The following RBFOX1 variants were observed in gnomAD, a reference collection of about 807,000 sequenced individuals.
RBFOX1 encodes RNA binding fox-1 homolog 1.
A neutral mutation model predicts 57.7 loss-of-function variants in RBFOX1; 8 were observed. The observed-to-expected ratio is 0.14, with a 90% confidence interval of 0.08 to 0.25. The LOEUF (loss-of-function observed/expected upper bound fraction) is 0.25. Among genes scored for constraint, RBFOX1 ranks in the 10% least tolerant of loss-of-function variants. The pLI is 1.00. For synonymous variants in RBFOX1, 326 were observed against 222.4 expected (o/e 1.47, Z -4.15); for missense variants, 611 against 548.5 (o/e 1.11, Z -1.14).
chr16:5,433,361 T>C (rs1039703437), intron 1 of RBFOX1, among the ~76,000 whole-genome samples: 1 of 152,206 alleles, frequency 6.6e-6, no homozygotes, highest in Non-Finnish European at 1.5e-5. Flanking sequence ...TTTTCGCTCC[T>C]GGCTGGGGGT....
chr16:5,734,821 G>A (rs2052514215), intron 3 of RBFOX1, among the ~76,000 whole-genome samples: 2 of 152,126 alleles, frequency 1.3e-5, no homozygotes, highest in Admixed American at 6.5e-5. Flanking sequence ...AAGAAGGAAG[G>A]GAGATAAGGG....
At position 7,117,460 on chromosome 16, in the gene RBFOX1, G is replaced by C. The variant is rs74008921; in HGVS notation, c.27+65362G>C. Among the ~76,000 whole-genome samples, 1,419 of 152,222 alleles carry C rather than the reference G, an allele frequency of 9.3e-3. 28 individuals carry two copies. The highest frequency in any genetic ancestry group is 0.033 in the African/African-American group (1,351 of 41,530). On this transcript the variant is annotated intron_variant, in intron 4 of 15. Transcript: ENST00000550418. ...AGAGATCATGTAAGTTGGAATTCTA[G>C]CTTATCCAATTACTTAATGTGTGAG... is the stretch of plus-strand genomic sequence containing the variant.
At chr16:6,635,510 A>G (rs886405520) in intron 2 of RBFOX1, among the ~76,000 whole-genome samples, 1 of 152,138 alleles carries the variant, frequency 6.6e-6, no homozygotes, top group African/African-American at 2.4e-5. Flanking sequence ...GAACAGAGGG[A>G]AAGTGATTCA....
At chr16:6,112,561 C>G (rs751279998) in intron 1 of RBFOX1, among the ~76,000 whole-genome samples, 21 of 152,068 alleles carry the variant, frequency 1.4e-4, no homozygotes, top group Admixed American at 5.2e-4. Context: ...CATGGTGGTG[C>G]ATGCCTGTAA....
At chr16:6,190,459 A>G (rs1395601756) in intron 1 of RBFOX1, among the ~76,000 whole-genome samples, 3 of 152,184 alleles carry the variant, frequency 2.0e-5, no homozygotes, top group Non-Finnish European at 2.9e-5. Flanking sequence ...AATGGAATGA[A>G]CTACTTAGTT....
At chr16:5,368,636 A>C (rs1197924738) in intron 1 of RBFOX1, among the ~76,000 whole-genome samples, 1 of 152,154 alleles carries the variant, frequency 6.6e-6, no homozygotes, top group Non-Finnish European at 1.5e-5. Flanking sequence ...CACATTTCTG[A>C]GCTCTTTAAG....
chr16:6,530,078 C>G (rs1406630483), intron 2 of RBFOX1, among the ~76,000 whole-genome samples: 1 of 152,128 alleles, frequency 6.6e-6, no homozygotes, highest in Non-Finnish European at 1.5e-5. Flanking sequence ...CTTTTCTTCC[C>G]TTGTCAGTCA....
At chr16:6,112,127 A>G (rs947375808) in intron 1 of RBFOX1, among the ~76,000 whole-genome samples, 18 of 152,182 alleles carry the variant, frequency 1.2e-4, no homozygotes, top group Non-Finnish European at 1.9e-4. Flanking sequence ...TTCCAGACCA[A>G]TTAGCTAGCT....
chr16:7,094,267 C>A (rs998848621), intron 4 of RBFOX1, among the ~76,000 whole-genome samples: 1 of 151,934 alleles, frequency 6.6e-6, no homozygotes, highest in Admixed American at 6.6e-5. Context: ...AATTGATATT[C>A]AATACCAACA....
chr16:5,422,620 G>A (rs1323512755), intron 1 of RBFOX1, among the ~76,000 whole-genome samples: 1 of 124,928 alleles, frequency 8.0e-6, no homozygotes, highest in Non-Finnish European at 1.7e-5. Context: ...AGAGGGTGGA[G>A]GGACAGGGAG....
In RBFOX1 at chr16:7,095,091, T is replaced by G. The variant is rs565844738; in HGVS notation, c.27+42993T>G. 2.0e-5 allele frequency among the ~76,000 whole-genome samples: 3 copies of G among 152,296 alleles called. No individual in the cohort carries two copies. The South Asian group carries it at 6.2e-4, about 32-fold the overall frequency. ...GATGATATTAGTAATTTGTTTTAACTAGAATGTTCTTTCTTTCTTTCTTTT... is the reference window on the plus strand; with the variant it reads ...GATGATATTAGTAATTTGTTTTAACGAGAATGTTCTTTCTTTCTTTCTTTT... On this transcript the variant is annotated intron_variant, in intron 4 of 15. Transcript: ENST00000550418.
Position 5,978,128 on chromosome 16 carries a change from CAAAAAAAAAAAAAAAAAA to C in RBFOX1, c.351+110809_351+110826del, listed in dbSNP as rs140908065. Among the ~76,000 whole-genome samples, 91 of 31,528 alleles carry C rather than the reference CAAAAAAAAAAAAAAAAAA, an allele frequency of 2.9e-3. 3 individuals carry two copies. The highest frequency in any genetic ancestry group is 1.0e-2 in the African/African-American group (70 of 7,016). 20.7% of individuals were successfully genotyped at this position (31,528 alleles called of 152,430 possible). On this transcript the variant is annotated intron_variant, in intron 4 of 19. Transcript: ENST00000641259. Reference sequence around the variant, plus strand: ...ATCCTAGGGAGAATCCTGTCTCTTCCAAAAAAAAAAAAAAAAAAAAAAAAAAAAAAAAAGCAAGAGCCA... The same window carrying C: ...ATCCTAGGGAGAATCCTGTCTCTTCCAAAAAAAAAAAAAAAGCAAGAGCCA...
intron 1 of RBFOX1, among the ~76,000 whole-genome samples, chr16:5,293,188 G>T (rs1288107953): frequency 6.6e-6 from 1 of 151,982 alleles, no homozygotes; most frequent in East Asian, 1.9e-4. Context: ...AGGTGTGGTG[G>T]TGCACGCCTG....
intron 3 of RBFOX1, among the ~76,000 whole-genome samples, chr16:6,654,968 C>A (rs527733655): frequency 1.4e-5 from 2 of 148,138 alleles, no homozygotes; most frequent in Non-Finnish European, 3.0e-5. Context: ...TTGATGTTGA[C>A]GTTCATTGTG....
chr16:6,448,859 A>C (rs1022877886), intron 2 of RBFOX1, among the ~76,000 whole-genome samples: 7 of 152,162 alleles, frequency 4.6e-5, no homozygotes, highest in Non-Finnish European at 7.3e-5. Context: ...GGTTCTAGAC[A>C]ATATATTTTA....
At position 6,274,886 on chromosome 16, in the gene RBFOX1, A is replaced by G. The variant is rs529529090; in HGVS notation, c.-126-42109A>G. Among the ~76,000 whole-genome samples, 31 of 152,372 alleles carry G rather than the reference A, an allele frequency of 2.0e-4. No homozygotes were observed. In the South Asian group the frequency reaches 6.4e-3, roughly 32 times the overall value. Reference sequence around the variant, plus strand: ...TTCTTTTTAAGAAGAAGAGTTGGTCATTGATCCATTAATGATGAGAAGGAA... The same window carrying G: ...TTCTTTTTAAGAAGAAGAGTTGGTCGTTGATCCATTAATGATGAGAAGGAA... On this transcript the variant is annotated intron_variant, in intron 1 of 15. Coordinates refer to ENST00000550418, the MANE Select transcript of RBFOX1 (RefSeq NM_018723.4).
intron 1 of RBFOX1, among the ~76,000 whole-genome samples, chr16:6,058,728 T>G (rs921515243): frequency 2.8e-5 from 4 of 142,084 alleles, no homozygotes; most frequent in Admixed American, 7.1e-5. Flanking sequence ...CACCCACCCA[T>G]CCACCAATCC....
At chr16:7,060,081 A>C (rs2053775559) in intron 4 of RBFOX1, among the ~76,000 whole-genome samples, 1 of 152,166 alleles carries the variant, frequency 6.6e-6, no homozygotes, top group Non-Finnish European at 1.5e-5. Context: ...ACTTTAATCA[A>C]ACCCAGAATT....
At chr16:6,344,398 C>CTTTTTTTTTTT (rs1176288797) in intron 2 of RBFOX1, among the ~76,000 whole-genome samples, 26 of 71,954 alleles carry the variant, frequency 3.6e-4, no homozygotes, top group African/African-American at 2.7e-3. Context: ...CTTCTTTTTT[C>CTTTTTTTTTTT]TTTTTTTTCT....
Sources: gnomAD v4.1 joint callset for allele counts (sites outside exome capture counted in the v4.1 genomes callset) on GRCh38, gnomAD v4.1.1 for gene constraint, MANE v1.5 for transcripts, NCBI Gene and HGNC (gene_info 2026-07-23, HGNC 2026-07-21) for gene names.